CCT6A: variants seen among roughly 807,000 people sequenced by gnomAD.
The protein encoded by CCT6A is T-complex protein 1 subunit zeta.
Under a neutral mutation model 58.6 loss-of-function variants are expected in CCT6A, and 6 were observed. The observed-to-expected ratio is 0.10, with a 90% CI of 0.06 to 0.20. The LOEUF (loss-of-function observed/expected upper bound fraction) is 0.20. Among genes scored for constraint, CCT6A ranks in the 10% least tolerant of loss-of-function variants. CCT6A has a pLI of 1.00. For synonymous variants in CCT6A, 245 were observed against 227.8 expected (o/e 1.08, Z -0.68); for missense variants, 516 against 648.8 (o/e 0.80, Z 2.22).
chr7:56,052,077 C>T, intron 1 of CCT6A, 92 bp downstream of exon 1: 6 of 1,105,178 alleles, frequency 5.4e-6, no homozygotes, highest in Non-Finnish European at 7.1e-6. Context: ...CCCGCCGCCT[C>T]GGGGCTGCGC....
Position 56,054,414 on chromosome 7 carries a change from G to T in CCT6A, c.247G>T (p.Ala83Ser), listed in dbSNP as rs779741978. The T allele has an allele frequency of 6.2e-7, 1 of 1,610,050 alleles. No individual in the cohort carries two copies. Among genetic ancestry groups the T allele is most frequent in the African/African-American group, 1.3e-5 (1 of 74,866 alleles). Residue 83 changes from alanine to serine, a missense_variant, in exon 3 of 14, where the codon GCC (alanine) becomes TCC (serine). Ala to Ser is a moderately conservative substitution (Grantham distance 99). Coordinates refer to ENST00000275603, the MANE Select transcript of CCT6A (RefSeq NM_001762.4). ...TASLIAKVAT[A>S]QDDITGDGTT... ...TTCCTTAATAGCAAAGGTAGCAACA[G>T]CCCAGGATGATATAACTGGTGATGG... is the stretch of plus-strand genomic sequence containing the variant.
rs1368450875 is a variant in CCT6A, at chr7:56,052,446, C to T, written c.162C>T (p.Ile54=). The change falls in exon 2 of 14, where the codon ATC becomes ATT. Residue 54 remains isoleucine, a synonymous_variant. Coordinates refer to ENST00000275603, the MANE Select transcript of CCT6A (RefSeq NM_001762.4). ...GGCTCGTTTCTGGCGCTGGAGACAT[C>T]AAACTTACTAAAGACGGCAATGTGC... is the stretch of plus-strand genomic sequence containing the variant. ...MKMLVSGAGD[I]KLTKDGNVLL... 2.5e-6 allele frequency: 4 copies of T among 1,613,984 alleles called. No individual in the cohort carries two copies. The African/African-American group carries it at 4.0e-5, about 16-fold the overall frequency.
chr7:56,056,208 G>A (rs1281052626), intron 4 of CCT6A, 103 bp from the exon 5 acceptor site: 1 of 754,316 alleles, frequency 1.3e-6, no homozygotes, highest in South Asian at 1.4e-5. Flanking sequence ...ACTTAAATCA[G>A]TGTAGAATTG....
At position 56,052,385 on chromosome 7, in the gene CCT6A, A is replaced by G. The variant is rs769618456; in HGVS notation, c.138-37A>G. On this transcript the variant is annotated intron_variant, in intron 1 of 13. Transcript: ENST00000275603. ...AATGGGACTTTTAGTTATCGTTGAAAAAGTCATAGTCTGGTTCATTTCTGT... is the reference window on the plus strand; with the variant it reads ...AATGGGACTTTTAGTTATCGTTGAAGAAGTCATAGTCTGGTTCATTTCTGT... 1.9e-6 allele frequency: 3 copies of G among 1,592,224 alleles called. No individual in the cohort carries two copies. In the South Asian group the frequency reaches 3.3e-5, roughly 18 times the overall value.
Position 56,060,900 on chromosome 7 carries a change from G to T in CCT6A, c.1307G>T (p.Gly436Val). The change falls in exon 11 of 14, where the codon GGA becomes GTA. Residue 436 changes from glycine (G) to valine (V), a missense_variant. Physicochemically the swap from Gly to Val is moderately radical, Grantham distance 109 (BLOSUM62 -3). This residue lies in a region of CCT6A where 315 missense variants were observed against 389.4 expected (regional missense o/e 0.81). Coordinates refer to ENST00000275603, the MANE Select transcript of CCT6A (RefSeq NM_001762.4). ...KPSVKGRAQL[G>V]VQAFADALLI... The stretch of plus-strand genomic sequence containing the variant: ...AGTGTAAAGGGCAGGGCACAGCTTG[G>T]AGTCCAAGCATTTGCTGATGCATTG... The T allele has an allele frequency of 6.2e-7, 1 of 1,613,232 alleles. No individual in the cohort carries two copies. The highest frequency in any genetic ancestry group is 8.5e-7 in the Non-Finnish European group (1 of 1,179,826).
Position 56,056,356 on chromosome 7 carries a change from A to G in CCT6A, c.556A>G (p.Ile186Val), listed in dbSNP as rs201883320. The change falls in exon 5 of 14, where the codon ATT (isoleucine) becomes GTT (valine). Residue 186 changes from isoleucine (I) to valine (V), a missense_variant. Ile to Val is a conservative substitution (Grantham distance 29). This residue lies in a region of CCT6A where 85 missense variants were observed against 74.9 expected (regional missense o/e 1.13). Coordinates refer to ENST00000275603, the MANE Select transcript of CCT6A (RefSeq NM_001762.4). The part of the protein sequence containing the change: ...ILAIKKQDEP[I>V]DLFMIEIMEM... ...GGCCATTAAAAAGCAAGATGAACCTATTGATCTCTTCATGATTGAGATCAT... is the reference window on the plus strand; with the variant it reads ...GGCCATTAAAAAGCAAGATGAACCTGTTGATCTCTTCATGATTGAGATCAT... 5 of 1,603,066 alleles carry G rather than the reference A, an allele frequency of 3.1e-6. No individual in the cohort carries two copies. Among genetic ancestry groups the G allele is most frequent in the African/African-American group, 2.7e-5 (2 of 74,836 alleles).
chr7:56,051,948 C>T lies in CCT6A; in HGVS notation c.100C>T (p.Leu34=), dbSNP rs1253273959. The T allele has an allele frequency of 2.0e-5, 31 of 1,545,660 alleles. No homozygotes were observed. Among genetic ancestry groups the T allele is most frequent in the Non-Finnish European group, 1.4e-5 (16 of 1,144,794 alleles). ...CGCAGCGCGGGGTCTGCAGGACGTG[C>T]TAAGGACCAACCTGGGGCCCAAGGG... The part of the protein sequence containing the change: ...ISAARGLQDV[L]RTNLGPKGTM... Residue 34 remains leucine (L), a synonymous_variant, in exon 1 of 14, where the codon CTA becomes TTA. Transcript: ENST00000275603.
chr7:56,055,695 A>G lies in CCT6A; in HGVS notation c.408A>G (p.Glu136=), dbSNP rs781536224. The G allele has an allele frequency of 3.1e-6, 5 of 1,613,634 alleles. No homozygotes were observed. In the African/African-American group the frequency reaches 6.7e-5, roughly 22 times the overall value. Residue 136 remains glutamate, a synonymous_variant, in exon 4 of 14, where the codon GAA becomes GAG. Coordinates refer to ENST00000275603, the MANE Select transcript of CCT6A (RefSeq NM_001762.4). ...AAAAGGCCCTTCAGTTTTTGGAAGA[A>G]GTCAAAGTAAGCAGAGAGATGGACA... The part of the protein sequence containing the change: ...AKEKALQFLE[E]VKVSREMDRE...
rs1181929001 is a variant in CCT6A, at chr7:56,063,186, AT to A, written c.*105del. On this transcript the variant is annotated 3_prime_UTR_variant, in exon 14 of 14. Transcript: ENST00000275603. ...CAAGCTTCAAATAATTTTGAAAGAA[AT>A]TTTCCCATATGAAAAAAGGAGAGAA... 9.6e-6 allele frequency: 8 copies of A among 829,600 alleles called. No individual in the cohort carries two copies. In the East Asian group the frequency reaches 1.5e-4, roughly 15 times the overall value. The allele number at this position is 829,600 out of a possible 1,614,324, so 51.4% of individuals were successfully genotyped here.
chr7:56,057,856 G>A, intron 5 of CCT6A, 137 bp from the exon 6 acceptor site: 7 of 616,230 alleles, frequency 1.1e-5, no homozygotes, highest in South Asian at 9.6e-5. Context: ...ACTCCATCCT[G>A]GGCAACAGAG....
At chr7:56,058,856 C>G (rs1402647738) in intron 8 of CCT6A, 154 bp downstream of exon 8, 1 of 501,022 alleles carries the variant, frequency 2.0e-6, no homozygotes, top group African/African-American at 1.9e-5. Flanking sequence ...ATCTCTAGGA[C>G]TTTTTTCATC....
rs545059767 is a variant in CCT6A, at chr7:56,056,922, G to C, written c.614+508G>C. Among the ~76,000 whole-genome samples, 6 of 150,338 alleles carry C rather than the reference G, an allele frequency of 4.0e-5. No homozygotes were observed. In the South Asian group the frequency reaches 1.3e-3, roughly 32 times the overall value. On this transcript the variant is annotated intron_variant, in intron 5 of 13. Coordinates refer to ENST00000275603, the MANE Select transcript of CCT6A (RefSeq NM_001762.4). ...CACCATTCTCCTGCCTCAGCCTCCCGAGTAGCTGGGACTACAGGCGCCCGC... is the reference window on the plus strand; with the variant it reads ...CACCATTCTCCTGCCTCAGCCTCCCCAGTAGCTGGGACTACAGGCGCCCGC...
At chr7:56,056,568 C>T (rs1794307847) in intron 5 of CCT6A, among the ~76,000 whole-genome samples, 154 bp downstream of exon 5, 1 of 151,642 alleles carries the variant, frequency 6.6e-6, no homozygotes, top group African/African-American at 2.4e-5. Context: ...ATTAAAATTA[C>T]AAAAATTAAC....
chr7:56,057,446 C>T (rs1382077126), intron 5 of CCT6A, among the ~76,000 whole-genome samples: 2 of 151,966 alleles, frequency 1.3e-5, no homozygotes, highest in East Asian at 3.9e-4. Context: ...TTAAGGTGTC[C>T]TCTCACTTCT....
rs201369026 is a variant in CCT6A at position 56,062,494 on chromosome 7, T to G, written c.1451-189T>G. On this transcript the variant is annotated intron_variant, in intron 12 of 13. Transcript: ENST00000275603. ...GAGGGGTGTTCAGGACTTCTAAGTA[T>G]AAGTCAGACATTCATCAAATATTGT... The G allele has an allele frequency of 8.7e-5, 55 of 629,098 alleles. No homozygotes were observed. In the East Asian group the frequency reaches 1.4e-3, roughly 16 times the overall value. The allele number at this position is 629,098 out of a possible 1,614,324, so 39.0% of individuals were successfully genotyped here.
chr7:56,056,589 G>A (rs1451037989), intron 5 of CCT6A, among the ~76,000 whole-genome samples, 175 bp downstream of exon 5: 4 of 151,756 alleles, frequency 2.6e-5, no homozygotes, highest in East Asian at 3.9e-4. Flanking sequence ...CAGGCGTGCC[G>A]GGCATGACTG....
intron 12 of CCT6A, chr7:56,062,471 G>A (rs1356911962): frequency 1.7e-5 from 10 of 605,002 alleles, no homozygotes; most frequent in African/African-American, 3.7e-5. Context: ...GAAGAAGAGA[G>A]GGGTGTTCAG....
chr7:56,058,047 A>G lies in CCT6A; in HGVS notation c.669A>G (p.Lys223=). 6.2e-7 allele frequency: 1 copy of G among 1,613,462 alleles called. No homozygotes were observed. Among genetic ancestry groups the G allele is most frequent in the Non-Finnish European group, 8.5e-7 (1 of 1,179,364 alleles). Reference sequence around the variant, plus strand: ...GAGCACGGCATCCTGATATGAAGAAAAGGGTGGAGGATGCATACATCCTCA... The same window carrying G: ...GAGCACGGCATCCTGATATGAAGAAGAGGGTGGAGGATGCATACATCCTCA... The part of the protein sequence containing the change: ...DHGARHPDMK[K]RVEDAYILTC... Residue 223 remains lysine, a synonymous_variant, in exon 6 of 14, where the codon AAA becomes AAG. Transcript: ENST00000275603.
At chr7:56,059,264 G>C (rs1324170878) in intron 8 of CCT6A, among the ~76,000 whole-genome samples, 18 of 152,058 alleles carry the variant, frequency 1.2e-4, no homozygotes. Context: ...ACCTCCCAAA[G>C]TGTTGGGATT....
Sources: allele counts gnomAD v4.1 joint callset (sites outside exome capture counted in the v4.1 genomes callset), GRCh38; gene constraint gnomAD v4.1.1; regional missense constraint gnomAD v4.1.1; transcripts MANE v1.5; gene names NCBI Gene and HGNC (gene_info 2026-07-23, HGNC 2026-07-21).